The following SH3KBP1 variants were observed in gnomAD, a reference collection of about 807,000 sequenced individuals.
SH3KBP1 encodes the protein SH3 domain-containing kinase-binding protein 1.
SH3KBP1 carries 8 observed loss-of-function variants against 50.1 expected under a neutral mutation model. The ratio of observed to expected loss-of-function variants is 0.16; its 90% CI spans 0.09 to 0.29. The LOEUF (loss-of-function observed/expected upper bound fraction) is 0.29. Ranked by LOEUF, SH3KBP1 falls within the 10% of genes least tolerant of loss-of-function variation. The pLI, the probability that SH3KBP1 is intolerant of heterozygous loss-of-function variation, is 1.00. For missense variants in SH3KBP1, 377 were observed against 535.2 expected (o/e 0.70, Z 2.92); for synonymous variants, 227 against 218.6 (o/e 1.04, Z -0.34).
rs748879099 is a variant in SH3KBP1 at position 19,762,378 on chromosome X, C to T, written c.163-15937G>A. Among the ~76,000 whole-genome samples the T allele has an allele frequency of 2.7e-5, 3 of 110,765 alleles. No homozygotes were observed. The East Asian group carries it at 8.5e-4, about 31-fold the overall frequency. On this transcript the variant is annotated intron_variant, in intron 2 of 17. Coordinates refer to ENST00000397821, the MANE Select transcript of SH3KBP1 (RefSeq NM_031892.3). ...CTCCCCAAATTGCTCCTGGGGATAA[C>T]ATCACTACTGTAAAACCTAAGATCA... is the stretch of plus-strand genomic sequence containing the variant.
chrX:19,601,206 A>G (rs1424045041), intron 9 of SH3KBP1, among the ~76,000 whole-genome samples: 1 of 111,428 alleles, frequency 9.0e-6, no homozygotes, highest in Admixed American at 9.5e-5. Flanking sequence ...CAAAGGATAT[A>G]TTAGCTAGAT....
intron 3 of SH3KBP1, among the ~76,000 whole-genome samples, chrX:19,737,756 A>G (rs7059691): frequency 0.16 from 18,357 of 111,433 alleles, 1,226 homozygotes; most frequent in African/African-American, 0.21. Flanking sequence ...GCCAAAGCCC[A>G]GACTAGGACT....
In SH3KBP1 at chrX:19,746,407, G is replaced by C. The variant is rs774102889; in HGVS notation, c.197C>G (p.Thr66Ser). 5.0e-6 allele frequency: 6 copies of C among 1,203,891 alleles called. No homozygotes were observed. Among genetic ancestry groups the C allele is most frequent in the Non-Finnish European group, 6.7e-6 (6 of 891,829 alleles). Residue 66 changes from threonine (T) to serine (S), a missense_variant, in exon 3 of 18, where the codon ACC becomes AGC. By Grantham distance (58) the Thr-to-Ser change is moderately conservative (BLOSUM62 1). Around this residue, in one of 3 missense-constraint regions of SH3KBP1, gnomAD observed 257 missense variants for 374.2 expected, o/e 0.69. Coordinates refer to ENST00000397821, the MANE Select transcript of SH3KBP1 (RefSeq NM_031892.3). The part of the protein sequence containing the change: ...IKKEMKKDPL[T>S]NKAPEKPLHE... The stretch of plus-strand genomic sequence containing the variant: ...CAGGGGCTTTTCTGGAGCTTTGTTG[G>C]TGAGAGGGTCTTTCTTCATCTCTTT...
At chrX:19,646,246 G>C (rs1193051962) in intron 6 of SH3KBP1, among the ~76,000 whole-genome samples, 3 of 111,986 alleles carry the variant, frequency 2.7e-5, no homozygotes, top group Non-Finnish European at 3.8e-5. Context: ...TCCTTCATTT[G>C]CGGCTAATTC....
chrX:19,763,587 G>C (rs1189304650), intron 2 of SH3KBP1, among the ~76,000 whole-genome samples: 1 of 112,069 alleles, frequency 8.9e-6, no homozygotes, highest in East Asian at 2.8e-4. Flanking sequence ...TTTGTCATTT[G>C]TCTGTTTATT....
chrX:19,874,178 C>T (rs185393836), intron 1 of SH3KBP1, among the ~76,000 whole-genome samples: 95 of 100,982 alleles, frequency 9.4e-4, no homozygotes, highest in African/African-American at 3.3e-3. Context: ...GGCCAGTAAC[C>T]CTGTCCCTGG....
intron 2 of SH3KBP1, among the ~76,000 whole-genome samples, chrX:19,776,559 T>A (rs905605611): frequency 1.1e-5 from 1 of 89,772 alleles, no homozygotes; most frequent in Non-Finnish European, 2.1e-5. Flanking sequence ...TTTTTTTTTT[T>A]TAGAGAGAGA....
intron 2 of SH3KBP1, among the ~76,000 whole-genome samples, chrX:19,769,773 T>C (rs1357781796): frequency 2.7e-5 from 3 of 111,061 alleles, no homozygotes. Flanking sequence ...CCTTCCTAAA[T>C]GGCAGATAAG....
chrX:19,584,264 CAT>C (rs2066484048), intron 12 of SH3KBP1, among the ~76,000 whole-genome samples: 1 of 73,550 alleles, frequency 1.4e-5, no homozygotes, highest in Admixed American at 1.6e-4. Context: ...ATACAAAATA[CAT>C]ATTTATATAT....
At chrX:19,767,651 C>A (rs1359800937) in intron 2 of SH3KBP1, among the ~76,000 whole-genome samples, 1 of 110,950 alleles carries the variant, frequency 9.0e-6, no homozygotes, top group Non-Finnish European at 1.9e-5. Flanking sequence ...TTTGTGAGTC[C>A]TCTGGGACTC....
chrX:19,609,371 A>C, intron 8 of SH3KBP1, among the ~76,000 whole-genome samples: 1 of 111,673 alleles, frequency 9.0e-6, no homozygotes, highest in South Asian at 3.7e-4. Flanking sequence ...AAATCCCTGT[A>C]ATCAGTTAAT....
At chrX:19,574,912 T>C (rs190764987) in intron 12 of SH3KBP1, among the ~76,000 whole-genome samples, 4 of 112,020 alleles carry the variant, frequency 3.6e-5, no homozygotes, top group African/African-American at 1.3e-4. Flanking sequence ...AAAGAGGTGA[T>C]TAAGTTAAAA....
intron 1 of SH3KBP1, among the ~76,000 whole-genome samples, chrX:19,860,910 T>C (rs913354988): frequency 2.7e-5 from 3 of 111,695 alleles, no homozygotes; most frequent in African/African-American, 9.8e-5. Context: ...ATTTAGCATA[T>C]AGCATTTAGA....
Position 19,537,847 on chromosome X carries a change from CTTA to C in SH3KBP1, c.1893-70_1893-68del, listed in dbSNP as rs58739461. 7,600 of 853,445 alleles carry C rather than the reference CTTA, an allele frequency of 8.9e-3. 197 individuals are homozygous for C. The African/African-American group carries it at 0.097, about 11-fold the overall frequency. The allele number at this position is 853,445 out of a possible 1,213,427, so 70.3% of individuals were successfully genotyped here. ...TTCCTTCATCAGAGATCAGAAATCT[CTTA>C]TTATGACTACAAAATCCATCTGATC... On this transcript the variant is annotated intron_variant, in intron 16 of 17. Transcript: ENST00000397821.
intron 3 of SH3KBP1, among the ~76,000 whole-genome samples, chrX:19,720,942 T>A (rs747811200): frequency 2.7e-5 from 3 of 111,272 alleles, no homozygotes; most frequent in Non-Finnish European, 5.7e-5. Context: ...GTTTTTAAAA[T>A]CAGTACCAAA....
chrX:19,615,444 A>T (rs2067578319), intron 8 of SH3KBP1, among the ~76,000 whole-genome samples: 1 of 112,037 alleles, frequency 8.9e-6, no homozygotes, highest in South Asian at 3.7e-4. Context: ...TGAGGCTGTT[A>T]AGTGAGCCTC....
intron 2 of SH3KBP1, among the ~76,000 whole-genome samples, chrX:19,772,476 GT>G (rs767160892): frequency 9.0e-6 from 1 of 110,779 alleles, no homozygotes; most frequent in African/African-American, 3.3e-5. Flanking sequence ...GCCAGTTTTT[GT>G]TTTTTGTTTT....
chrX:19,657,659 C>T (rs990358750), intron 6 of SH3KBP1, among the ~76,000 whole-genome samples: 4 of 106,854 alleles, frequency 3.7e-5, no homozygotes, highest in Admixed American at 1.0e-4. Context: ...ACCCGGGAGG[C>T]GGAGGTTGCA....
At chrX:19,666,797 CA>C (rs1320459456) in intron 6 of SH3KBP1, among the ~76,000 whole-genome samples, 1 of 111,318 alleles carries the variant, frequency 9.0e-6, no homozygotes, top group African/African-American at 3.3e-5. Context: ...GCAGTTCCCC[CA>C]AAAATTTAAA....
Sources: gnomAD v4.1 joint callset for allele counts (sites outside exome capture counted in the v4.1 genomes callset) on GRCh38, gnomAD v4.1.1 for gene constraint, gnomAD v4.1.1 regional missense constraint, MANE v1.5 for transcripts, NCBI Gene and HGNC (gene_info 2026-07-23, HGNC 2026-07-21) for gene names.